HUNK: variants seen among roughly 807,000 people sequenced by gnomAD.
HUNK encodes hormonally up-regulated Neu-associated kinase.
A neutral mutation model predicts 61.0 loss-of-function variants in HUNK; 21 were observed. That is an observed-to-expected ratio of 0.34 (90% CI 0.24 to 0.50). The LOEUF (loss-of-function observed/expected upper bound fraction) is 0.50, where lower values mean the gene tolerates loss of function less well. HUNK is among the 20% of genes least tolerant of loss of function. HUNK has a pLI of 0.98. For missense variants in HUNK, 772 were observed against 945.7 expected (o/e 0.82, Z 2.41); for synonymous variants, 371 against 386.1 (o/e 0.96, Z 0.46).
intron 6 of HUNK, 61 bp from the exon 7 acceptor site, chr21:31,974,494 T>A: frequency 6.9e-7 from 1 of 1,455,260 alleles, no homozygotes; most frequent in East Asian, 2.4e-5. Flanking sequence ...GCCCAGGGGG[T>A]CTGTGTGGGG....
intron 7 of HUNK, 44 bp from the exon 8 acceptor site, chr21:31,983,482 A>G (rs777134217): frequency 2.7e-6 from 4 of 1,468,468 alleles, no homozygotes; most frequent in South Asian, 1.1e-5. Context: ...GGGCATTTCT[A>G]TTTCTGAGAG....
At chr21:31,916,879 G>A (rs2052586589) in intron 1 of HUNK, among the ~76,000 whole-genome samples, 1 of 151,818 alleles carries the variant, frequency 6.6e-6, no homozygotes, top group African/African-American at 2.4e-5. Context: ...GTTTCACCAT[G>A]TTGCCCAGGC....
At chr21:31,976,293 A>G (rs1006751272) in intron 7 of HUNK, among the ~76,000 whole-genome samples, 1 of 152,086 alleles carries the variant, frequency 6.6e-6, no homozygotes, top group Non-Finnish European at 1.5e-5. Flanking sequence ...GACTTTCAAC[A>G]TATAGTATAC....
rs2053254699 is a variant in HUNK at position 32,002,755 on chromosome 21, C to T, written c.*3571C>T. ...GTCCCAGTTACTGCTTCCTTCATAA[C>T]TGTTCACAAAACGTTTTTCATATAT... On this transcript the variant is annotated 3_prime_UTR_variant, in exon 11 of 11. Coordinates refer to ENST00000270112, the MANE Select transcript of HUNK (RefSeq NM_014586.2). 6.6e-6 allele frequency: 1 copy of T among 152,186 alleles called. No homozygotes were observed. The highest frequency in any genetic ancestry group is 2.1e-4 in the South Asian group (1 of 4,818). The allele number at this position is 152,186 out of a possible 1,614,324, so 9.4% of individuals were successfully genotyped here.
At chr21:31,907,611 C>A (rs112293262) in intron 1 of HUNK, among the ~76,000 whole-genome samples, 2 of 152,072 alleles carry the variant, frequency 1.3e-5, no homozygotes, top group Non-Finnish European at 2.9e-5. Flanking sequence ...GGAGCCAGCA[C>A]GGGGCATACC....
intron 2 of HUNK, among the ~76,000 whole-genome samples, chr21:31,925,568 G>A (rs1161279007): frequency 1.3e-5 from 2 of 152,190 alleles, no homozygotes; most frequent in African/African-American, 4.8e-5. Context: ...TTTATTCAAT[G>A]AAATTGAATC....
intron 1 of HUNK, among the ~76,000 whole-genome samples, chr21:31,909,851 G>A (rs1019631293): frequency 2.6e-5 from 4 of 152,316 alleles, no homozygotes; most frequent in African/African-American, 9.6e-5. Flanking sequence ...TTGGAAGATG[G>A]CGTGAAACCA....
At chr21:31,882,615 C>A (rs1300568356) in intron 1 of HUNK, among the ~76,000 whole-genome samples, 1 of 152,142 alleles carries the variant, frequency 6.6e-6, no homozygotes, top group Non-Finnish European at 1.5e-5. Context: ...AATGATCAAG[C>A]CAGAGTATCG....
intron 3 of HUNK, among the ~76,000 whole-genome samples, chr21:31,942,933 C>T (rs2052778882): frequency 6.6e-6 from 1 of 152,132 alleles, no homozygotes; most frequent in Admixed American, 6.5e-5. Context: ...GAAAGAACCG[C>T]ATTTCCGGAA....
chr21:31,876,013 AC>A (rs1400687646), intron 1 of HUNK, among the ~76,000 whole-genome samples: 5 of 152,090 alleles, frequency 3.3e-5, no homozygotes, highest in African/African-American at 1.2e-4. Context: ...CCCACTGGGA[AC>A]CCCGACATGC....
rs189844735 is a variant in HUNK, at chr21:31,879,601, G to A, written c.261+5666G>A. Reference sequence around the variant, plus strand: ...ATTTTCTCTGCAGGTGTTGAGTCACGGCTATAGCTACCCGTGCATACCAAT... The same window carrying A: ...ATTTTCTCTGCAGGTGTTGAGTCACAGCTATAGCTACCCGTGCATACCAAT... On this transcript the variant is annotated intron_variant, in intron 1 of 10. Transcript: ENST00000270112. Among the ~76,000 whole-genome samples the A allele has an allele frequency of 2.2e-3, 333 of 152,222 alleles. 7 individuals are homozygous for A. Among genetic ancestry groups the A allele is most frequent in the Non-Finnish European group, 1.1e-3 (73 of 68,020 alleles).
intron 5 of HUNK, among the ~76,000 whole-genome samples, chr21:31,965,613 T>TTA (rs1555880359): frequency 2.8e-5 from 4 of 144,046 alleles, no homozygotes; most frequent in African/African-American, 8.1e-5. Context: ...TTTTTTTTTT[T>TTA]AATTTTGAGA....
At chr21:31,979,653 C>T (rs1018726559) in intron 7 of HUNK, among the ~76,000 whole-genome samples, 3 of 149,574 alleles carry the variant, frequency 2.0e-5, no homozygotes, top group South Asian at 2.1e-4. Context: ...GTAGCTGGGA[C>T]TACAGGCACC....
intron 1 of HUNK, among the ~76,000 whole-genome samples, chr21:31,904,979 G>A (rs1318814735): frequency 6.6e-6 from 1 of 151,982 alleles, no homozygotes; most frequent in East Asian, 1.9e-4. Context: ...TCGGGAGGCT[G>A]AGATGGGAGA....
chr21:31,945,389 G>A (rs1375545711), intron 3 of HUNK, among the ~76,000 whole-genome samples: 1 of 152,148 alleles, frequency 6.6e-6, no homozygotes, highest in African/African-American at 2.4e-5. Context: ...AGGTCGCTTA[G>A]TCTAGTTTGC....
In HUNK at chr21:31,873,723, G is replaced by C. The variant is rs1421620606; in HGVS notation, c.49G>C (p.Gly17Arg). The C allele has an allele frequency of 8.2e-7, 1 of 1,212,884 alleles. No individual in the cohort carries two copies. Among genetic ancestry groups the C allele is most frequent in the East Asian group, 3.4e-5 (1 of 29,088 alleles). The allele number at this position is 1,212,884 out of a possible 1,614,324, so 75.1% of individuals were successfully genotyped here. The stretch of plus-strand genomic sequence containing the variant: ...GCTCCTGGGGGAGCCGGCGGCGCCT[G>C]GGGGCGGCGGCGGCGCGGAGGACGC... ...DGLLGEPAAP[G>R]GGGGAEDAAR... The change falls in exon 1 of 11, where the codon GGG becomes CGG. Residue 17 changes from glycine (G) to arginine (R), a missense_variant. Transcript: ENST00000270112. This position sits in a 1 kb window ranked among gnomAD's most constrained non-coding sequence, Gnocchi z 6.1.
rs1490354825 is a variant in HUNK, at chr21:32,002,243, A to G, written c.*3059A>G. 1 of 152,186 alleles carries G rather than the reference A, an allele frequency of 6.6e-6. No individual in the cohort carries two copies. Among genetic ancestry groups the G allele is most frequent in the African/African-American group, 2.4e-5 (1 of 41,428 alleles). The allele number at this position is 152,186 out of a possible 1,614,324, so 9.4% of individuals were successfully genotyped here. The stretch of plus-strand genomic sequence containing the variant: ...GCTGGGACTACAGTTGTGCACCACA[A>G]TGCCTAGCTAATTTTTTTTGTATTT... On this transcript the variant is annotated 3_prime_UTR_variant, in exon 11 of 11. Transcript: ENST00000270112.
Position 32,001,680 on chromosome 21 carries a change from T to C in HUNK, c.*2496T>C, listed in dbSNP as rs1469298185. On this transcript the variant is annotated 3_prime_UTR_variant, in exon 11 of 11. Transcript: ENST00000270112. ...GTGTGTGTGTGTGTGTGTGAGCACC[T>C]GACAAATCTATGAAACCGAGTGAAA... is the stretch of plus-strand genomic sequence containing the variant. 1 of 152,500 alleles carries C rather than the reference T, an allele frequency of 6.6e-6. No homozygotes were observed. The highest frequency in any genetic ancestry group is 1.9e-4 in the East Asian group (1 of 5,184). 9.4% of individuals were successfully genotyped at this position (152,500 alleles called of 1,614,324 possible). A position where few individuals can be genotyped will look rare whatever the true frequency, so the allele number is the denominator to read the frequency against.
chr21:31,946,264 A>G lies in HUNK; in HGVS notation c.746+93A>G, dbSNP rs551271027. On this transcript the variant is annotated intron_variant, in intron 4 of 10. Transcript: ENST00000270112. Reference sequence around the variant, plus strand: ...CATGCCTGAGTATTGGATGGCATGTATAGGTGACAGGCCCAGGAGTATGTC... The same window carrying G: ...CATGCCTGAGTATTGGATGGCATGTGTAGGTGACAGGCCCAGGAGTATGTC... 5.5e-6 allele frequency: 7 copies of G among 1,269,192 alleles called. No individual in the cohort carries two copies. In the South Asian group the frequency reaches 8.8e-5, roughly 16 times the overall value. The allele number at this position is 1,269,192 out of a possible 1,614,324, so 78.6% of individuals were successfully genotyped here.
Sources: allele counts gnomAD v4.1 joint callset (sites outside exome capture counted in the v4.1 genomes callset), GRCh38; gene constraint gnomAD v4.1.1; non-coding constraint Gnocchi (gnomAD v3.1); transcripts MANE v1.5; gene names NCBI Gene and HGNC (gene_info 2026-07-23, HGNC 2026-07-21).